MYH1: variants seen among roughly 807,000 people sequenced by gnomAD.
MYH1 encodes the protein myosin-1.
Under a neutral mutation model 225.6 loss-of-function variants are expected in MYH1, and 214 were observed. The observed-to-expected ratio is 0.95, with a 90% CI of 0.85 to 1.06. The LOEUF is 1.06. MYH1 is among the 50% of genes least tolerant of loss of function. MYH1 has a pLI of 0.00. For missense variants in MYH1, 2,098 were observed against 2,344.2 expected, an observed-to-expected ratio of 0.89 and a Z score of 2.17; for synonymous variants, 774 against 842.3, an observed-to-expected ratio of 0.92 and a Z score of 1.40.
chr17:10,512,131 G>A lies in MYH1; in HGVS notation c.1209C>T (p.Cys403=), dbSNP rs1188094293. The change falls in exon 13 of 40, where the codon TGC becomes TGT. Residue 403 remains cysteine, a synonymous_variant. Coordinates refer to ENST00000226207, the MANE Select transcript of MYH1 (RefSeq NM_005963.4). The part of the protein sequence containing the change: ...LNSADLLKAL[C]YPRVKVGNEY... ...CATTGCCGACCTTGACCCTAGGGTA[G>A]CAGAGGGCTTTGAGCAGATCTGCAG... 3.1e-6 allele frequency: 5 copies of A among 1,614,086 alleles called. No homozygotes were observed. In the Admixed American group the frequency reaches 8.3e-5, roughly 27 times the overall value.
Position 10,497,863 on chromosome 17 carries a change from A to T in MYH1, c.4236T>A (p.Asn1412Lys), listed in dbSNP as rs1446737089. ...TCTTCTCAAGGGAAGCACATTTGGC[A>T]TTCACAGCTTCTACATGTTCCTCAG... ...QDAEEHVEAV[N>K]AKCASLEKTK... The change falls in exon 31 of 40, where the codon AAT (asparagine) becomes AAA (lysine). Residue 1412 changes from asparagine (N) to lysine (K), a missense_variant. Coordinates refer to ENST00000226207, the MANE Select transcript of MYH1 (RefSeq NM_005963.4). 2 of 1,613,446 alleles carry T rather than the reference A, an allele frequency of 1.2e-6. No individual in the cohort carries two copies. The highest frequency in any genetic ancestry group is 1.7e-6 in the Non-Finnish European group (2 of 1,179,914).
Position 10,501,369 on chromosome 17 carries a change from G to T in MYH1, c.3479C>A (p.Ala1160Asp), listed in dbSNP as rs773538453. 15 of 1,614,058 alleles carry T rather than the reference G, an allele frequency of 9.3e-6. No individual in the cohort carries two copies. The Admixed American group carries it at 1.0e-4, about 11-fold the overall frequency. Residue 1160 changes from alanine to aspartate, a missense_variant, in exon 27 of 40, where the codon GCC (alanine) becomes GAC (aspartate). Ala to Asp is a moderately radical substitution (Grantham distance 126). Transcript: ENST00000226207. ...GTTCATCTCAATCTGGGCTGAGGTG[G>T]CCCCACCGGCTTCTTCCAGCCTCTC... Reference protein sequence around the residue: ...ISERLEEAGGATSAQIEMNKK... With the variant: ...ISERLEEAGGDTSAQIEMNKK...
At position 10,502,596 on chromosome 17, in the gene MYH1, C is replaced by T. The variant is rs1485195139; in HGVS notation, c.3111+142G>A. 6 of 1,273,678 alleles carry T rather than the reference C, an allele frequency of 4.7e-6. No homozygotes were observed. The Admixed American group carries it at 6.2e-5, about 13-fold the overall frequency. The allele number at this position is 1,273,678 out of a possible 1,614,324, so 78.9% of individuals were successfully genotyped here. On this transcript the variant is annotated intron_variant, in intron 24 of 39. Transcript: ENST00000226207. ...ACTTTATTGTGTGTACATCTTAGACCTTGTAATAGGGATGATGTTCCATAT... is the reference window on the plus strand; with the variant it reads ...ACTTTATTGTGTGTACATCTTAGACTTTGTAATAGGGATGATGTTCCATAT...
chr17:10,512,598 G>T lies in MYH1; in HGVS notation c.1009-52C>A, dbSNP rs1403490992. 3 of 1,612,606 alleles carry T rather than the reference G, an allele frequency of 1.9e-6. No homozygotes were observed. In the South Asian group the frequency reaches 3.3e-5, roughly 18 times the overall value. On this transcript the variant is annotated intron_variant, in intron 11 of 39. Coordinates refer to ENST00000226207, the MANE Select transcript of MYH1 (RefSeq NM_005963.4). ...ATTAGGGCACAAGAGAATTTATACT[G>T]TATCTTTTACACACATATAGATGGC... is the stretch of plus-strand genomic sequence containing the variant.
chr17:10,499,233 A>G (rs998120551), intron 28 of MYH1, 141 bp from the exon 29 acceptor site: 7 of 720,536 alleles, frequency 9.7e-6, no homozygotes, highest in Non-Finnish European at 1.7e-5. Context: ...ATCCGCTTTA[A>G]CCTTGATAAG....
At chr17:10,511,811 T>C in intron 14 of MYH1, 28 bp downstream of exon 14, 5 of 1,613,958 alleles carry the variant, frequency 3.1e-6, no homozygotes, top group Non-Finnish European at 4.2e-6. Flanking sequence ...TTGGAAACTT[T>C]TTTGGTACAA....
Position 10,495,259 on chromosome 17 carries a change from C to T in MYH1, c.5228G>A (p.Gly1743Glu), listed in dbSNP as rs1451396390. 4 of 1,614,018 alleles carry T rather than the reference C, an allele frequency of 2.5e-6. No individual in the cohort carries two copies. In the South Asian group the frequency reaches 4.4e-5, roughly 18 times the overall value. The change falls in exon 36 of 40, where the codon GGA becomes GAA. Residue 1743 changes from glycine to glutamate, a missense_variant. Gly to Glu is a moderately conservative substitution (Grantham distance 98, BLOSUM62 -2). Coordinates refer to ENST00000226207, the MANE Select transcript of MYH1 (RefSeq NM_005963.4). ...KLETDISQIQ[G>E]EMEDIIQEAR... The stretch of plus-strand genomic sequence containing the variant: ...TTCCTGGATGATGTCTTCCATCTCT[C>T]CCTGGATTTGGGAAATGTCTGTCTC...
At chr17:10,517,969 C>A (rs1228219894) in intron 2 of MYH1, among the ~76,000 whole-genome samples, 1 of 152,066 alleles carries the variant, frequency 6.6e-6, no homozygotes, top group East Asian at 1.9e-4. Context: ...AGATAAACTA[C>A]AATGCTGGAA....
rs1330909814 is a variant in MYH1 at position 10,512,918 on chromosome 17, T to C, written c.853A>G (p.Ser285Gly). The change falls in exon 10 of 40, where the codon AGC (serine) becomes GGC (glycine). Residue 285 changes from serine to glycine, a missense_variant. Transcript: ENST00000226207. The stretch of plus-strand genomic sequence containing the variant: ...ATGATCTGATAAAAAATATGATAGC[T>C]TCTTTCAGCCTTTAGCTGGAAAGTA... ...RVTFQLKAER[S>G]YHIFYQIMSN... 6.2e-7 allele frequency: 1 copy of C among 1,613,884 alleles called. No individual in the cohort carries two copies. The highest frequency in any genetic ancestry group is 1.1e-5 in the South Asian group (1 of 91,066).
intron 39 of MYH1, among the ~76,000 whole-genome samples, chr17:10,493,060 A>T (rs2072951410): frequency 6.6e-6 from 1 of 152,166 alleles, no homozygotes; most frequent in Non-Finnish European, 1.5e-5. Context: ...ATTATACTTA[A>T]ATATATAGCA....
chr17:10,503,592 G>C (rs1453130346), intron 22 of MYH1, among the ~76,000 whole-genome samples: 1 of 152,168 alleles, frequency 6.6e-6, no homozygotes, highest in Non-Finnish European at 1.5e-5. Context: ...GTTTCTAGCA[G>C]GTTGCTGGGA....
At position 10,503,139 on chromosome 17, in the gene MYH1, T is replaced by C; in HGVS notation, c.2801A>G (p.Glu934Gly). Residue 934 changes from glutamate to glycine, a missense_variant, in exon 23 of 40, where the codon GAA becomes GGA. Coordinates refer to ENST00000226207, the MANE Select transcript of MYH1 (RefSeq NM_005963.4). The stretch of plus-strand genomic sequence containing the variant: ...GGCTGTCAGCTCAGCATTGATCTCT[T>C]CCTCATCCTCAGCTCTCTCAGTCAC... ...KEVTERAEDE[E>G]EINAELTAKK... is the part of the protein sequence containing the mutation. The C allele has an allele frequency of 6.2e-7, 1 of 1,613,910 alleles. No individual in the cohort carries two copies. The highest frequency in any genetic ancestry group is 8.5e-7 in the Non-Finnish European group (1 of 1,179,838).
Position 10,505,476 on chromosome 17 carries a change from C to G in MYH1, c.2210G>C (p.Gly737Ala). The part of the protein sequence containing the change: ...KVLNASAIPE[G>A]QFIDSKKASE... ...AGCCTTCTTGCTATCGATGAATTGT[C>G]CTTCAGGGATAGCACTTGCATTTAA... Residue 737 changes from glycine to alanine, a missense_variant, in exon 20 of 40, where the codon GGA becomes GCA. By Grantham distance (60) the Gly-to-Ala change is moderately conservative. Transcript: ENST00000226207. The G allele has an allele frequency of 6.2e-7, 1 of 1,614,142 alleles. No homozygotes were observed. Among genetic ancestry groups the G allele is most frequent in the Non-Finnish European group, 8.5e-7 (1 of 1,179,992 alleles).
chr17:10,516,677 C>G lies in MYH1; in HGVS notation c.-35G>C, dbSNP rs945912882. On this transcript the variant is annotated 5_prime_UTR_variant, in exon 3 of 40. Coordinates refer to ENST00000226207, the MANE Select transcript of MYH1 (RefSeq NM_005963.4). Reference sequence around the variant, plus strand: ...TTATTGATGGTAGCCCAGTTAAGGACCCTGGCTGGGAGAGGAAGAAAAGAA... The same window carrying G: ...TTATTGATGGTAGCCCAGTTAAGGAGCCTGGCTGGGAGAGGAAGAAAAGAA... 7.4e-6 allele frequency: 12 copies of G among 1,610,956 alleles called. No homozygotes were observed. In the African/African-American group the frequency reaches 1.5e-4, roughly 20 times the overall value.
intron 30 of MYH1, 49 bp from the exon 31 acceptor site, chr17:10,497,966 G>A: frequency 6.6e-7 from 1 of 1,524,188 alleles, no homozygotes; most frequent in Non-Finnish European, 8.8e-7. Flanking sequence ...TGAATTGGGT[G>A]TTTCAAAGTG....
Position 10,500,772 on chromosome 17 carries a change from G to C in MYH1, c.3739-20C>G. ...GTTTCCCTGCATTCAAAAAGTGGTA[G>C]AAGGCATCTCAAGTAAGTAGTTGGA... On this transcript the variant is annotated intron_variant, in intron 27 of 39. Transcript: ENST00000226207. The C allele has an allele frequency of 1.9e-6, 3 of 1,614,064 alleles. No individual in the cohort carries two copies. The highest frequency in any genetic ancestry group is 2.5e-6 in the Non-Finnish European group (3 of 1,179,972).
chr17:10,509,394 AT>A, intron 15 of MYH1, 90 bp downstream of exon 15: 4 of 1,574,626 alleles, frequency 2.5e-6, no homozygotes, highest in Non-Finnish European at 8.7e-7. Flanking sequence ...ACAAGTAGAA[AT>A]ATTTAGCCAT....
At chr17:10,506,123 C>T (rs918771020) in intron 17 of MYH1, 24 bp from the exon 18 acceptor site, 2 of 1,613,186 alleles carry the variant, frequency 1.2e-6, no homozygotes, top group South Asian at 1.1e-5. Flanking sequence ...CGAGTTTATA[C>T]TTTAAAAAAT....
chr17:10,501,659 G>A lies in MYH1; in HGVS notation c.3283C>T (p.Gln1095Ter). 1 of 1,614,128 alleles carries A rather than the reference G, an allele frequency of 6.2e-7. No homozygotes were observed. The highest frequency in any genetic ancestry group is 8.5e-7 in the Non-Finnish European group (1 of 1,180,040). ...KKKEFEMSGL[Q>*]SKIEDEQALG... ...GCTTGTTCATCTTCAATCTTGCTTT[G>A]CAGACCGCTCATTTCAAACTCTTTC... Residue 1095 changes from glutamine to a stop codon, truncating the protein, a stop_gained, in exon 26 of 40, where the codon CAA (glutamine) becomes TAA (stop). Coordinates refer to ENST00000226207, the MANE Select transcript of MYH1 (RefSeq NM_005963.4). LOFTEE classifies it high-confidence loss of function.
Sources: gnomAD v4.1 joint callset for allele counts (sites outside exome capture counted in the v4.1 genomes callset) on GRCh38, gnomAD v4.1.1 for gene constraint, MANE v1.5 for transcripts, NCBI Gene and HGNC (gene_info 2026-07-23, HGNC 2026-07-21) for gene names.